Variants in VAV2 observed in about 807,000 individuals in gnomAD.
VAV2 encodes vav guanine nucleotide exchange factor 2.
In VAV2, 67 loss-of-function variants were observed where a neutral mutation model predicts 132.5. The observed-to-expected ratio is 0.51, with a 90% confidence interval of 0.42 to 0.62. VAV2 has a LOEUF of 0.62. Among genes scored for constraint, VAV2 ranks in the 20% least tolerant of loss-of-function variants. The pLI is 0.00. For missense variants in VAV2, 938 were observed against 1,153.6 expected (o/e 0.81, Z 2.71); for synonymous variants, 492 against 443.5 (o/e 1.11, Z -1.37).
intron 10 of VAV2, among the ~76,000 whole-genome samples, chr9:133,796,865 T>C (rs1564357123): frequency 6.6e-6 from 1 of 152,134 alleles, no homozygotes; most frequent in African/African-American, 2.4e-5. Flanking sequence ...AGAAGGTCCT[T>C]TGGAGAAGGG....
chr9:133,781,966 G>A (rs1243952497), intron 19 of VAV2, among the ~76,000 whole-genome samples: 1 of 152,168 alleles, frequency 6.6e-6, no homozygotes, highest in African/African-American at 2.4e-5. Context: ...CGCGTCTGCA[G>A]AAAGCAGGAC....
chr9:133,797,863 G>A, intron 9 of VAV2, 54 bp from the exon 10 acceptor site: 2 of 1,548,476 alleles, frequency 1.3e-6, no homozygotes, highest in Non-Finnish European at 1.8e-6. Flanking sequence ...AGCAGCTCGG[G>A]GCTGCAGTGA....
intron 2 of VAV2, among the ~76,000 whole-genome samples, chr9:133,893,255 C>A (rs1025827037): frequency 2.6e-5 from 4 of 152,118 alleles, no homozygotes; most frequent in African/African-American, 4.8e-5. Flanking sequence ...CACACAAAGG[C>A]CCCACAGCTG....
intron 2 of VAV2, among the ~76,000 whole-genome samples, chr9:133,866,082 C>T (rs530270939): frequency 3.3e-5 from 5 of 152,312 alleles, no homozygotes; most frequent in Admixed American, 6.5e-5. Context: ...CATTCCATCT[C>T]CCTCACCTCC....
rs113558218 is a variant in VAV2 at position 133,795,859 on chromosome 9, C to T, written c.1033-123G>A. The T allele has an allele frequency of 2.9e-3, 3,068 of 1,060,660 alleles. 14 individuals carry two copies. The highest frequency in any genetic ancestry group is 3.6e-3 in the Non-Finnish European group (2,622 of 735,168). 65.7% of individuals were successfully genotyped at this position (1,060,660 alleles called of 1,614,324 possible). ...CTCAGAAGAAAGCCACCCCCACCCGCCAGCCAGGCTGGGTTTGGCTGCCCG... is the reference window on the plus strand; with the variant it reads ...CTCAGAAGAAAGCCACCCCCACCCGTCAGCCAGGCTGGGTTTGGCTGCCCG... On this transcript the variant is annotated intron_variant, in intron 11 of 29. Transcript: ENST00000371850.
intron 1 of VAV2, among the ~76,000 whole-genome samples, chr9:133,968,226 C>A (rs1302107238): frequency 6.6e-6 from 1 of 152,052 alleles, no homozygotes; most frequent in Non-Finnish European, 1.5e-5. Flanking sequence ...CAAAGAAATG[C>A]CACATGTTTG....
chr9:133,977,950 G>A (rs1842567484), intron 1 of VAV2, among the ~76,000 whole-genome samples: 2 of 103,792 alleles, frequency 1.9e-5, no homozygotes, highest in Non-Finnish European at 3.8e-5. Context: ...CACGCCCCCT[G>A]CCTCTGGAGA....
intron 1 of VAV2, among the ~76,000 whole-genome samples, chr9:133,985,268 GTGTGTGTT>G (rs887029154): frequency 1.5e-5 from 2 of 136,036 alleles, no homozygotes; most frequent in East Asian, 2.2e-4. Flanking sequence ...GTGTGTGTGT[GTGTGTGTT>G]TTGTTTTTGT....
chr9:133,777,125 C>T (rs1367753930), intron 23 of VAV2, among the ~76,000 whole-genome samples: 4 of 152,120 alleles, frequency 2.6e-5, no homozygotes, highest in African/African-American at 9.7e-5. Context: ...ACAGCTGCTG[C>T]AGAAATGCCT....
intron 1 of VAV2, among the ~76,000 whole-genome samples, chr9:133,947,575 T>A (rs1009071096): frequency 1.3e-5 from 2 of 151,820 alleles, no homozygotes; most frequent in African/African-American, 4.8e-5. Flanking sequence ...GGCGCATGCC[T>A]GTAATCCCAG....
chr9:133,811,706 G>T (rs1035298091), intron 5 of VAV2, among the ~76,000 whole-genome samples: 2 of 152,246 alleles, frequency 1.3e-5, no homozygotes, highest in Non-Finnish European at 2.9e-5. Context: ...ACACAAAGGG[G>T]GAAAATGACG....
At position 133,810,179 on chromosome 9, in the gene VAV2, C is replaced by T. The variant is rs376530998; in HGVS notation, c.567+12G>A. On this transcript the variant is annotated intron_variant, in intron 6 of 29. Coordinates refer to ENST00000371850, the MANE Select transcript of VAV2 (RefSeq NM_001134398.2). ...GCAGGACGTCCCCAGCCTCCCCTTC[C>T]GGGCCACTCACCTGCATGTATCTAA... 1.8e-4 allele frequency: 298 copies of T among 1,613,162 alleles called. No individual in the cohort carries two copies. The highest frequency in any genetic ancestry group is 3.3e-4 in the African/African-American group (25 of 74,910).
chr9:133,908,967 A>G (rs1839777572), intron 2 of VAV2, among the ~76,000 whole-genome samples: 1 of 152,226 alleles, frequency 6.6e-6, no homozygotes, highest in African/African-American at 2.4e-5. Context: ...CACACCTTCC[A>G]CTAAAAGGGG....
At position 133,823,468 on chromosome 9, in the gene VAV2, C is replaced by G. The variant is rs1010727125; in HGVS notation, c.449+10804G>C. ...TTCTACAATAAAACCCAGCATGTGA[C>G]GCTTGTTCATTTTAGAGCAATATTT... On this transcript the variant is annotated intron_variant, in intron 4 of 29. Coordinates refer to ENST00000371850, the MANE Select transcript of VAV2 (RefSeq NM_001134398.2). This position sits in a 1 kb window ranked among gnomAD's most constrained non-coding sequence, Gnocchi z 5.5. Among the ~76,000 whole-genome samples the G allele has an allele frequency of 2.6e-4, 40 of 152,196 alleles. No individual in the cohort carries two copies.
rs1312516003 is a variant in VAV2 at position 133,827,433 on chromosome 9, A to ACCACGGGCATCGCCAACTACTGCTGTGC, written c.449+6838_449+6839insGCACAGCAGTAGTTGGCGATGCCCGTGG. Among the ~76,000 whole-genome samples, 10 of 14,652 alleles carry ACCACGGGCATCGCCAACTACTGCTGTGC rather than the reference A, an allele frequency of 6.8e-4. 5 individuals are homozygous for ACCACGGGCATCGCCAACTACTGCTGTGC. Among genetic ancestry groups the ACCACGGGCATCGCCAACTACTGCTGTGC allele is most frequent in the Admixed American group, 1.1e-3 (2 of 1,770 alleles). The allele number at this position is 14,652 out of a possible 152,430, so 9.6% of individuals were successfully genotyped here. On this transcript the variant is annotated intron_variant, in intron 4 of 29. Coordinates refer to ENST00000371850, the MANE Select transcript of VAV2 (RefSeq NM_001134398.2). ...GCTACTGCTGTGCCCACTGAGGCTG[A>ACCACGGGCATCGCCAACTACTGCTGTGC]CCACTGAGTGGGGGCATCACCACCT...
At chr9:133,963,462 G>A (rs982514182) in intron 1 of VAV2, among the ~76,000 whole-genome samples, 3 of 152,142 alleles carry the variant, frequency 2.0e-5, no homozygotes, top group East Asian at 3.9e-4. Flanking sequence ...GAGCCTGCAC[G>A]TGAGCTCCAC....
chr9:133,864,611 G>A (rs1837727540), intron 2 of VAV2, among the ~76,000 whole-genome samples: 5 of 152,156 alleles, frequency 3.3e-5, no homozygotes, highest in Admixed American at 6.5e-5. Flanking sequence ...CAGACCCTAG[G>A]TCCTACCCCC....
intron 4 of VAV2, among the ~76,000 whole-genome samples, chr9:133,814,307 A>C (rs1326716173): frequency 6.6e-6 from 1 of 151,970 alleles, no homozygotes; most frequent in Non-Finnish European, 1.5e-5. Context: ...CACAGCCCCC[A>C]CCTCTCTGCC....
intron 2 of VAV2, among the ~76,000 whole-genome samples, chr9:133,867,967 G>A (rs973562970): frequency 9.9e-5 from 15 of 152,232 alleles, no homozygotes; most frequent in Admixed American, 9.2e-4. Flanking sequence ...ACAGGGATCT[G>A]AGGTCTCGGG....
Sources: allele counts gnomAD v4.1 joint callset (sites outside exome capture counted in the v4.1 genomes callset), GRCh38; gene constraint gnomAD v4.1.1; non-coding constraint Gnocchi (gnomAD v3.1); transcripts MANE v1.5; gene names NCBI Gene and HGNC (gene_info 2026-07-23, HGNC 2026-07-21).